The following SLC24A2 variants were observed in gnomAD, a reference collection of about 807,000 sequenced individuals.
SLC24A2 encodes the protein solute carrier family 24 member 2, also known as sodium/potassium/calcium exchanger 2.
SLC24A2 carries 36 observed loss-of-function variants against 62.0 expected under a neutral mutation model. The observed-to-expected ratio is 0.58, with a 90% CI of 0.44 to 0.77. SLC24A2 has a LOEUF of 0.77. Among genes scored for constraint, SLC24A2 ranks in the 30% least tolerant of loss-of-function variants. SLC24A2 has a pLI of 0.00. For synonymous variants in SLC24A2, 358 were observed against 294.0 expected (o/e 1.22, Z -2.23); for missense variants, 846 against 817.9 (o/e 1.03, Z -0.42).
At chr9:19,541,877 C>T (rs1834279281) in intron 8 of SLC24A2, among the ~76,000 whole-genome samples, 1 of 152,152 alleles carries the variant, frequency 6.6e-6, no homozygotes, top group South Asian at 2.1e-4. Context: ...GCGTAGGACC[C>T]TCTGAGCCAG....
the SLC24A2 span, among the ~76,000 whole-genome samples, chr9:20,136,151 A>G: frequency 6.6e-6 from 1 of 152,198 alleles, no homozygotes; most frequent in Non-Finnish European, 1.5e-5. Context: ...AACGCTGGTT[A>G]GTTACAGAGT....
chr9:20,280,382 T>A, the SLC24A2 span, among the ~76,000 whole-genome samples: 2 of 152,152 alleles, frequency 1.3e-5, no homozygotes, highest in Non-Finnish European at 2.9e-5. Flanking sequence ...GCAGCTTCCA[T>A]CTGACTAGAG....
the SLC24A2 span, among the ~76,000 whole-genome samples, chr9:19,855,602 T>A: frequency 6.6e-6 from 1 of 152,224 alleles, no homozygotes; most frequent in Non-Finnish European, 1.5e-5. Context: ...TCTTCAAGAA[T>A]GTTGAACGTT....
At chr9:20,270,029 C>G in the SLC24A2 span, among the ~76,000 whole-genome samples, 1 of 152,148 alleles carries the variant, frequency 6.6e-6, no homozygotes, top group Non-Finnish European at 1.5e-5. Flanking sequence ...AAAGGGGAAG[C>G]AGACGTGTGA....
At chr9:20,137,023 T>C in the SLC24A2 span, among the ~76,000 whole-genome samples, 1 of 152,144 alleles carries the variant, frequency 6.6e-6, no homozygotes, top group Non-Finnish European at 1.5e-5. Context: ...TTATATTAAA[T>C]GGAGGCACAT....
chr9:19,855,713 C>T, the SLC24A2 span, among the ~76,000 whole-genome samples: 1 of 152,106 alleles, frequency 6.6e-6, no homozygotes, highest in South Asian at 2.1e-4. Flanking sequence ...CTCTGGCTGC[C>T]CTTAACACTT....
the SLC24A2 span, among the ~76,000 whole-genome samples, chr9:20,202,591 AAAG>A: frequency 6.6e-6 from 1 of 152,134 alleles, no homozygotes; most frequent in African/African-American, 2.4e-5. Flanking sequence ...TAGAAAGACA[AAAG>A]AAGACACTGT....
the SLC24A2 span, among the ~76,000 whole-genome samples, chr9:20,031,444 A>T: frequency 1.3e-5 from 2 of 149,792 alleles, no homozygotes; most frequent in South Asian, 4.2e-4. Context: ...AAGTAGAGAA[A>T]AATCTCATGG....
chr9:19,565,300 A>C (rs1835601521), intron 7 of SLC24A2, among the ~76,000 whole-genome samples: 1 of 147,238 alleles, frequency 6.8e-6, no homozygotes, highest in Non-Finnish European at 1.5e-5. Flanking sequence ...CAAAAATCAC[A>C]AGCATTCTTA....
the SLC24A2 span, among the ~76,000 whole-genome samples, chr9:20,006,838 T>A: frequency 1.3e-5 from 2 of 152,196 alleles, no homozygotes; most frequent in African/African-American, 4.8e-5. Context: ...TGTTCCTGTG[T>A]AAGTTGCTTA....
chr9:19,533,074 G>A (rs569473125), intron 8 of SLC24A2, among the ~76,000 whole-genome samples: 10 of 152,254 alleles, frequency 6.6e-5, no homozygotes, highest in South Asian at 4.1e-4. Flanking sequence ...ATTATGCATG[G>A]TTCAACAAAC....
At chr9:19,948,650 G>A in the SLC24A2 span, among the ~76,000 whole-genome samples, 1 of 151,796 alleles carries the variant, frequency 6.6e-6, no homozygotes, top group East Asian at 1.9e-4. Context: ...GAGGTCAGGA[G>A]ATCGAGACCA....
At chr9:19,697,776 T>A (rs184468172) in intron 2 of SLC24A2, among the ~76,000 whole-genome samples, 1 of 152,166 alleles carries the variant, frequency 6.6e-6, no homozygotes, top group Non-Finnish European at 1.5e-5. Flanking sequence ...CCATTTTTCA[T>A]TGACATCATT....
upstream of SLC24A2, among the ~76,000 whole-genome samples, chr9:19,792,742 T>C (rs190006354): frequency 1.9e-3 from 293 of 151,760 alleles, 4 homozygotes; most frequent in Non-Finnish European, 4.3e-4. Context: ...AGTCAGAAAG[T>C]TGTGGGCAAC....
At chr9:19,656,305 G>C (rs1000515538) in intron 2 of SLC24A2, among the ~76,000 whole-genome samples, 1 of 152,198 alleles carries the variant, frequency 6.6e-6, no homozygotes, top group Non-Finnish European at 1.5e-5. Context: ...AATGTGGAGT[G>C]CTATGTGTGG....
the SLC24A2 span, among the ~76,000 whole-genome samples, chr9:19,865,281 G>A: frequency 2.0e-5 from 3 of 152,018 alleles, no homozygotes; most frequent in African/African-American, 7.2e-5. Context: ...CAGATACAAT[G>A]CAATTTCTAT....
At chr9:20,039,400 AGGGAAAC>A in the SLC24A2 span, among the ~76,000 whole-genome samples, 139 of 152,196 alleles carry the variant, frequency 9.1e-4, no homozygotes, top group African/African-American at 3.3e-3. Context: ...AAAGGTTGGG[AGGGAAAC>A]CCAGTCCAGG....
At chr9:20,280,511 T>A in the SLC24A2 span, among the ~76,000 whole-genome samples, 1 of 152,194 alleles carries the variant, frequency 6.6e-6, no homozygotes, top group African/African-American at 2.4e-5. Context: ...TTGCCCTGAA[T>A]GATTGTGCAA....
Position 19,528,027 on chromosome 9 carries a change from C to G in SLC24A2, c.1569+22G>C, listed in dbSNP as rs371395480. On this transcript the variant is annotated intron_variant, in intron 9 of 10. Coordinates refer to ENST00000341998, the MANE Select transcript of SLC24A2 (RefSeq NM_020344.4). ...GGACTGGAGAAAAACAAGGCAGAGG[C>G]ATGTCACTATCAAAATCTTACCTGG... 20 of 1,410,618 alleles carry G rather than the reference C, an allele frequency of 1.4e-5. No homozygotes were observed. The African/African-American group carries it at 2.0e-4, about 14-fold the overall frequency. 87.4% of individuals were successfully genotyped at this position (1,410,618 alleles called of 1,614,324 possible). A position where few individuals can be genotyped will look rare whatever the true frequency, so the allele number is the denominator to read the frequency against.
Sources: allele counts gnomAD v4.1 joint callset (sites outside exome capture counted in the v4.1 genomes callset), GRCh38; gene constraint gnomAD v4.1.1; transcripts MANE v1.5; gene names NCBI Gene and HGNC (gene_info 2026-07-23, HGNC 2026-07-21).